Variants in UNC13B observed in about 807,000 individuals in gnomAD.
The protein encoded by UNC13B is protein unc-13 homolog B.
Under a neutral mutation model 211.0 loss-of-function variants are expected in UNC13B, and 144 were observed. The ratio of observed to expected loss-of-function variants is 0.68; its 90% CI spans 0.60 to 0.78. The LOEUF (loss-of-function observed/expected upper bound fraction) is 0.78. UNC13B is among the 30% of genes least tolerant of loss of function. The pLI, the probability that UNC13B is intolerant of heterozygous loss-of-function variation, is 0.00. For synonymous variants in UNC13B, 709 were observed against 725.8 expected, an observed-to-expected ratio of 0.98 and a Z score of 0.37; for missense variants, 1,777 against 2,002.0, an observed-to-expected ratio of 0.89 and a Z score of 2.14.
intron 5 of UNC13B, among the ~76,000 whole-genome samples, chr9:35,241,829 G>A (rs1031446421): frequency 6.6e-6 from 1 of 152,112 alleles, no homozygotes; most frequent in African/African-American, 2.4e-5. Flanking sequence ...TACAAATTAC[G>A]TTGTAGACTA....
At chr9:35,264,029 A>G (rs772859562) in intron 7 of UNC13B, among the ~76,000 whole-genome samples, 1 of 152,198 alleles carries the variant, frequency 6.6e-6, no homozygotes, top group Non-Finnish European at 1.5e-5. Context: ...TAAGAGGTGG[A>G]TTGTTGCTGA....
At position 35,237,686 on chromosome 9, in the gene UNC13B, A is replaced by C; in HGVS notation, c.271-17A>C. ...CCAAGAAAGATTAAACTTTAATCTT[A>C]GATCTTTGTTTCCTAGGAAGGGCCT... On this transcript the variant is annotated splice_polypyrimidine_tract_variant and intron_variant, in intron 4 of 39. Transcript: ENST00000635942. The C allele has an allele frequency of 6.2e-7, 1 of 1,608,196 alleles. No individual in the cohort carries two copies. Among genetic ancestry groups the C allele is most frequent in the Non-Finnish European group, 8.5e-7 (1 of 1,178,738 alleles).
chr9:35,247,715 T>C (rs1041559655), intron 6 of UNC13B, among the ~76,000 whole-genome samples: 2 of 152,196 alleles, frequency 1.3e-5, no homozygotes, highest in African/African-American at 4.8e-5. Flanking sequence ...CACTTAATCA[T>C]GGTGGATAAG....
chr9:35,214,583 A>T (rs968740415), intron 1 of UNC13B, among the ~76,000 whole-genome samples: 3 of 152,196 alleles, frequency 2.0e-5, no homozygotes, highest in South Asian at 4.1e-4. Context: ...ATTACCCATT[A>T]TGTAACAGAG....
At chr9:35,277,913 C>T (rs566421101) in intron 7 of UNC13B, among the ~76,000 whole-genome samples, 13 of 151,804 alleles carry the variant, frequency 8.6e-5, no homozygotes, top group African/African-American at 3.1e-4. Flanking sequence ...AGGAAAGTCC[C>T]GAGGTGGCAA....
intron 1 of UNC13B, among the ~76,000 whole-genome samples, chr9:35,173,083 G>A (rs1229479529): frequency 5.9e-5 from 9 of 152,202 alleles, no homozygotes; most frequent in Admixed American, 5.9e-4. Context: ...ATGATGTTGA[G>A]AAGAGGTTAG....
intron 1 of UNC13B, among the ~76,000 whole-genome samples, chr9:35,223,684 T>C (rs1223791065): frequency 1.3e-5 from 2 of 152,284 alleles, no homozygotes; most frequent in East Asian, 3.9e-4. Context: ...TTTTATAGGG[T>C]CCCATTTGTC....
chr9:35,397,455 AC>A (rs1835959675), intron 29 of UNC13B, 145 bp downstream of exon 29: 1 of 1,403,800 alleles, frequency 7.1e-7, no homozygotes, highest in Admixed American at 2.0e-5. Flanking sequence ...TCTGGGGCAG[AC>A]AGATGGTTCT....
chr9:35,317,429 C>G (rs1399406811), intron 11 of UNC13B, among the ~76,000 whole-genome samples: 4 of 150,958 alleles, frequency 2.6e-5, no homozygotes, highest in African/African-American at 9.8e-5. Context: ...TCTTGAACTT[C>G]TGAACTTCTG....
intron 7 of UNC13B, among the ~76,000 whole-genome samples, chr9:35,263,413 A>G (rs984468084): frequency 1.1e-4 from 17 of 151,268 alleles, no homozygotes; most frequent in African/African-American, 3.4e-4. Flanking sequence ...CCCTGCACGT[A>G]CCAAAATCCG....
intron 1 of UNC13B, among the ~76,000 whole-genome samples, chr9:35,197,661 G>A (rs1823020018): frequency 6.6e-6 from 1 of 152,216 alleles, no homozygotes; most frequent in Admixed American, 6.5e-5. Flanking sequence ...CCTGGTGGGA[G>A]GTGATGGGCC....
intron 11 of UNC13B, among the ~76,000 whole-genome samples, chr9:35,327,282 A>C (rs952054066): frequency 5.9e-5 from 9 of 152,216 alleles, no homozygotes; most frequent in Non-Finnish European, 1.0e-4. Context: ...ATTGGCTTAC[A>C]TGATTACAAG....
At chr9:35,177,381 A>G (rs1329998715) in intron 1 of UNC13B, among the ~76,000 whole-genome samples, 1 of 152,208 alleles carries the variant, frequency 6.6e-6, no homozygotes, top group Non-Finnish European at 1.5e-5. Flanking sequence ...GAAGTATAGA[A>G]GTTTATAAAC....
intron 10 of UNC13B, among the ~76,000 whole-genome samples, chr9:35,311,164 G>A (rs1486222994): frequency 2.0e-5 from 3 of 152,164 alleles, no homozygotes; most frequent in Non-Finnish European, 4.4e-5. Context: ...TAGAGACAAG[G>A]TTTCACCATG....
Position 35,301,133 on chromosome 9 carries a change from G to C in UNC13B, c.1729G>C (p.Ala577Pro). ...EKTETLNQIEAINLGSKPRAM... is the reference protein window; with the variant it reads ...EKTETLNQIEPINLGSKPRAM... ...AACAGAAACTCTTAATCAAATAGAG[G>C]CAATTAATTTGGGATCTAAACCCAG... Residue 577 changes from alanine to proline, a missense_variant, in exon 9 of 40, where the codon GCA becomes CCA. Coordinates refer to ENST00000635942, the MANE Select transcript of UNC13B (RefSeq NM_001371189.2). 2.5e-6 allele frequency: 1 copy of C among 398,818 alleles called. No homozygotes were observed. Among genetic ancestry groups the C allele is most frequent in the East Asian group, 3.6e-5 (1 of 28,066 alleles). 24.7% of individuals were successfully genotyped at this position (398,818 alleles called of 1,614,324 possible).
At chr9:35,360,728 T>A (rs1833356168) in intron 11 of UNC13B, 1 of 152,272 alleles carries the variant, frequency 6.6e-6, no homozygotes, top group African/African-American at 2.4e-5. Flanking sequence ...CAGAGCTCAC[T>A]GCAGCCTTGA....
At chr9:35,166,435 C>A (rs1032908102) in intron 1 of UNC13B, among the ~76,000 whole-genome samples, 7 of 151,882 alleles carry the variant, frequency 4.6e-5, no homozygotes, top group Non-Finnish European at 7.4e-5. Context: ...TTAAAAAATG[C>A]AGAAAAGTAC....
At chr9:35,216,593 C>T (rs528026633) in intron 1 of UNC13B, among the ~76,000 whole-genome samples, 7 of 152,278 alleles carry the variant, frequency 4.6e-5, no homozygotes, top group African/African-American at 1.2e-4. Context: ...ACAATAACCA[C>T]GCTACTCTAG....
intron 3 of UNC13B, among the ~76,000 whole-genome samples, chr9:35,232,622 A>G (rs1825280154): frequency 6.6e-6 from 1 of 152,178 alleles, no homozygotes; most frequent in South Asian, 2.1e-4. Flanking sequence ...TTCTTGGAAG[A>G]TGGGTTGGGT....
Sources: allele counts gnomAD v4.1 joint callset (sites outside exome capture counted in the v4.1 genomes callset), GRCh38; gene constraint gnomAD v4.1.1; transcripts MANE v1.5; gene names NCBI Gene and HGNC (gene_info 2026-07-23, HGNC 2026-07-21).